HIVEP3: variants seen among roughly 807,000 people sequenced by gnomAD.
HIVEP3 encodes the protein transcription factor HIVEP3.
In HIVEP3, 49 loss-of-function variants were observed where a neutral mutation model predicts 152.8. The ratio of observed to expected loss-of-function variants is 0.32; its 90% CI spans 0.26 to 0.41. HIVEP3 has a LOEUF of 0.41. Ranked by LOEUF, HIVEP3 falls within the 10% of genes least tolerant of loss-of-function variation. The probability of loss-of-function intolerance (pLI) is 1.00; values close to 1 mark genes in which losing one functional copy is unlikely to be tolerated. For synonymous variants in HIVEP3, 1,269 were observed against 1,289.0 expected, an observed-to-expected ratio of 0.98 and a Z score of 0.33; for missense variants, 2,790 against 3,103.3, an observed-to-expected ratio of 0.90 and a Z score of 2.40.
chr1:41,757,940 G>A (rs1033625165), intron 1 of HIVEP3, among the ~76,000 whole-genome samples: 5 of 151,964 alleles, frequency 3.3e-5, no homozygotes, highest in African/African-American at 4.8e-5. Context: ...TTGAACTCCC[G>A]ACCTCAGGTC....
At chr1:41,970,342 G>T (rs925185246) in intron 1 of HIVEP3, among the ~76,000 whole-genome samples, 3 of 152,312 alleles carry the variant, frequency 2.0e-5, no homozygotes, top group Non-Finnish European at 4.4e-5. Flanking sequence ...ATACACCATG[G>T]AATACCATGC....
intron 1 of HIVEP3, among the ~76,000 whole-genome samples, chr1:41,900,146 G>A (rs983623882): frequency 6.6e-6 from 1 of 152,196 alleles, no homozygotes; most frequent in Admixed American, 6.5e-5. Context: ...AGCTGCCCAT[G>A]GGCAGGGTTT....
intron 5 of HIVEP3, among the ~76,000 whole-genome samples, chr1:41,574,236 T>C (rs1187789988): frequency 6.6e-6 from 1 of 151,882 alleles, no homozygotes. Flanking sequence ...CTGTGTGGCC[T>C]CTAAGGGATC....
intron 5 of HIVEP3, among the ~76,000 whole-genome samples, chr1:41,545,584 TCACCATCACCACCAC>T (rs1643761306): frequency 2.0e-4 from 3 of 15,302 alleles, no homozygotes; most frequent in Non-Finnish European, 4.8e-4. Context: ...ACCACCACCA[TCACCATCACCACCAC>T]CACCACCATC....
At chr1:41,864,088 C>T (rs1015034139) in intron 1 of HIVEP3, among the ~76,000 whole-genome samples, 5 of 152,278 alleles carry the variant, frequency 3.3e-5, no homozygotes, top group Middle Eastern at 3.4e-3. Flanking sequence ...TTTTCCCCTC[C>T]TTCCCATCCG....
Position 41,579,747 on chromosome 1 carries a change from C to T in HIVEP3, c.5051G>A (p.Arg1684His), listed in dbSNP as rs747182005. The T allele has an allele frequency of 2.5e-6, 4 of 1,576,642 alleles. No homozygotes were observed. Among genetic ancestry groups the T allele is most frequent in the South Asian group, 2.3e-5 (2 of 86,870 alleles). The change falls in exon 4 of 9, where the codon CGC becomes CAC. Residue 1684 changes from arginine to histidine, a missense_variant. Around this residue, in one of 9 missense-constraint regions of HIVEP3, gnomAD observed 1,078 missense variants for 1,165.3 expected, o/e 0.93. Transcript: ENST00000372583. ...RLVPSSSRKP[R>H]MTEVHLPSLV... ...CAAGGCTGAACTTACCTCTGTCATG[C>T]GGGGCTTGCGGGAGCTGGATGGCAC...
chr1:41,545,097 A>G (rs1477213940), intron 5 of HIVEP3, among the ~76,000 whole-genome samples: 1 of 130,590 alleles, frequency 7.7e-6, no homozygotes, highest in Non-Finnish European at 1.7e-5. Flanking sequence ...TACCATCGCT[A>G]CCATCACCAC....
chr1:41,518,811 C>A (rs910941867), intron 6 of HIVEP3, among the ~76,000 whole-genome samples: 2 of 143,956 alleles, frequency 1.4e-5, no homozygotes, highest in African/African-American at 2.5e-5. Context: ...AACTCAAGTG[C>A]AATAGGTTTT....
intron 1 of HIVEP3, among the ~76,000 whole-genome samples, chr1:41,734,327 A>G (rs1407780205): frequency 6.6e-6 from 1 of 152,252 alleles, no homozygotes; most frequent in Non-Finnish European, 1.5e-5. Context: ...CACCTTCTGC[A>G]CAGGTTAACT....
At chr1:41,952,967 C>A (rs957482924) in intron 1 of HIVEP3, among the ~76,000 whole-genome samples, 10 of 152,146 alleles carry the variant, frequency 6.6e-5, no homozygotes, top group Non-Finnish European at 2.9e-5. Flanking sequence ...AAGCCCTTTG[C>A]AGTCTAGGCA....
intron 2 of HIVEP3, among the ~76,000 whole-genome samples, chr1:41,663,890 T>C (rs1381136897): frequency 1.3e-5 from 2 of 152,034 alleles, no homozygotes; most frequent in African/African-American, 4.8e-5. Flanking sequence ...CAATCCCAGC[T>C]CTAATTGGGT....
At chr1:41,769,413 C>T (rs1453198362) in intron 1 of HIVEP3, among the ~76,000 whole-genome samples, 1 of 152,180 alleles carries the variant, frequency 6.6e-6, no homozygotes, top group Non-Finnish European at 1.5e-5. Context: ...CTGTTCTCTG[C>T]CCTTTGGAAG....
intron 1 of HIVEP3, among the ~76,000 whole-genome samples, chr1:41,719,833 A>T (rs947992784): frequency 6.6e-6 from 1 of 152,240 alleles, no homozygotes; most frequent in African/African-American, 2.4e-5. Flanking sequence ...TAAGCCTTGG[A>T]GAAGTTCAGT....
chr1:41,714,274 T>C (rs992181358), intron 1 of HIVEP3, among the ~76,000 whole-genome samples: 1 of 148,854 alleles, frequency 6.7e-6, no homozygotes, highest in African/African-American at 2.5e-5. Flanking sequence ...GAGAGGGAGG[T>C]GGGGATGGAA....
intron 1 of HIVEP3, among the ~76,000 whole-genome samples, chr1:41,787,536 T>A (rs1408017045): frequency 1.1e-5 from 1 of 88,626 alleles, no homozygotes; most frequent in Non-Finnish European, 1.8e-5. Context: ...TCTTTCTTTC[T>A]TTTTTTTTTT....
chr1:41,564,394 A>T (rs1644130376), intron 5 of HIVEP3, among the ~76,000 whole-genome samples: 2 of 152,192 alleles, frequency 1.3e-5, no homozygotes, highest in Admixed American at 6.5e-5. Context: ...AGGAGAGGAG[A>T]TAATCAAAGA....
chr1:41,546,026 C>G (rs1414344597), intron 5 of HIVEP3, among the ~76,000 whole-genome samples: 1 of 152,232 alleles, frequency 6.6e-6, no homozygotes, highest in African/African-American at 2.4e-5. Flanking sequence ...TGAATCCCAG[C>G]TCTGCTCCTT....
At chr1:41,602,223 G>A (rs1644758643) in intron 3 of HIVEP3, among the ~76,000 whole-genome samples, 2 of 152,076 alleles carry the variant, frequency 1.3e-5, no homozygotes, top group Admixed American at 6.6e-5. Flanking sequence ...TGGTGTCTTT[G>A]TTTAGCTTTT....
chr1:41,516,039 T>G (rs1642594746), intron 7 of HIVEP3, among the ~76,000 whole-genome samples: 1 of 152,208 alleles, frequency 6.6e-6, no homozygotes. Flanking sequence ...AATGTGGAAG[T>G]TGAGACCCAG....
Sources: allele counts gnomAD v4.1 joint callset (sites outside exome capture counted in the v4.1 genomes callset), GRCh38; gene constraint gnomAD v4.1.1; regional missense constraint gnomAD v4.1.1; transcripts MANE v1.5; gene names NCBI Gene and HGNC (gene_info 2026-07-23, HGNC 2026-07-21).